The following NAV3 variants were observed in gnomAD, a reference collection of about 807,000 sequenced individuals.
NAV3 encodes pore membrane and/or filament interacting like protein 1.
Under a neutral mutation model 244.7 loss-of-function variants are expected in NAV3, and 87 were observed. The ratio of observed to expected loss-of-function variants is 0.36; its 90% CI spans 0.30 to 0.42. The LOEUF (loss-of-function observed/expected upper bound fraction) is 0.42, where lower values mean the gene tolerates loss of function less well. NAV3 is among the 20% of genes least tolerant of loss of function. The probability of loss-of-function intolerance (pLI) is 1.00; values close to 1 mark genes in which losing one functional copy is unlikely to be tolerated. For synonymous variants in NAV3, 1,126 were observed against 1,042.2 expected, an observed-to-expected ratio of 1.08 and a Z score of -1.55; for missense variants, 2,663 against 2,893.3, an observed-to-expected ratio of 0.92 and a Z score of 1.83.
intron 30 of NAV3, among the ~76,000 whole-genome samples, chr12:78,184,137 T>G (rs923525229): frequency 6.6e-6 from 1 of 151,880 alleles, no homozygotes; most frequent in African/African-American, 2.4e-5. Context: ...TAAACTATTC[T>G]GAAATACATA....
intron 5 of NAV3, among the ~76,000 whole-genome samples, chr12:77,986,471 G>T (rs1870529165): frequency 1.3e-5 from 2 of 152,122 alleles, no homozygotes; most frequent in African/African-American, 4.8e-5. Flanking sequence ...TTCCTCAGCT[G>T]AGATTTTTTG....
rs548037395 is a variant in NAV3 at position 77,618,431 on chromosome 12, A to G, written c.72+46165A>G. On this transcript the variant is annotated intron_variant, in intron 2 of 8. Transcript: ENST00000550042. ...AATTACTCTTCATAATGTTTTGTCTACTAGAAATGGCATACATTTTTTGTT... is the reference window on the plus strand; with the variant it reads ...AATTACTCTTCATAATGTTTTGTCTGCTAGAAATGGCATACATTTTTTGTT... Among the ~76,000 whole-genome samples the G allele has an allele frequency of 1.1e-4, 17 of 152,352 alleles. No individual in the cohort carries two copies. The South Asian group carries it at 2.7e-3, about 24-fold the overall frequency.
At chr12:77,826,223 T>A (rs1173812563), upstream of NAV3, among the ~76,000 whole-genome samples, 1 of 152,182 alleles carries the variant, frequency 6.6e-6, no homozygotes, top group Non-Finnish European at 1.5e-5. Context: ...TAAATATTTA[T>A]AGGGACAGGC....
At chr12:77,819,457 C>T (rs1872646292) in intron 2 of NAV3, among the ~76,000 whole-genome samples, 2 of 151,626 alleles carry the variant, frequency 1.3e-5, no homozygotes, top group South Asian at 2.1e-4. Flanking sequence ...CCTTTATTCT[C>T]ATTTCTTTGA....
chr12:77,897,101 T>C (rs1487073601), intron 1 of NAV3, among the ~76,000 whole-genome samples: 1 of 152,146 alleles, frequency 6.6e-6, no homozygotes, highest in Non-Finnish European at 1.5e-5. Flanking sequence ...CACACATGAT[T>C]TGTAGTCTCA....
At chr12:77,694,640 T>C (rs1464191946) in intron 2 of NAV3, among the ~76,000 whole-genome samples, 1 of 152,182 alleles carries the variant, frequency 6.6e-6, no homozygotes, top group Non-Finnish European at 1.5e-5. Flanking sequence ...TCTCCAGTCT[T>C]TGTGGCCCTT....
At chr12:77,625,846 A>G (rs1871596412) in intron 2 of NAV3, among the ~76,000 whole-genome samples, 1 of 152,234 alleles carries the variant, frequency 6.6e-6, no homozygotes, top group Non-Finnish European at 1.5e-5. Flanking sequence ...CAACTGTTAC[A>G]GCAAGTGCTT....
At chr12:77,695,546 A>C (rs1239587075) in intron 2 of NAV3, among the ~76,000 whole-genome samples, 4 of 152,116 alleles carry the variant, frequency 2.6e-5, no homozygotes, top group Non-Finnish European at 5.9e-5. Flanking sequence ...TGTTTTGGTT[A>C]CTGTAGCTCT....
intron 2 of NAV3, among the ~76,000 whole-genome samples, chr12:77,809,105 G>T (rs1348482294): frequency 6.6e-6 from 1 of 152,164 alleles, no homozygotes; most frequent in Non-Finnish European, 1.5e-5. Context: ...TACCTTGCTG[G>T]GCTCTGTGCG....
chr12:77,760,440 T>C (rs550700146), intron 2 of NAV3, among the ~76,000 whole-genome samples: 2 of 152,214 alleles, frequency 1.3e-5, no homozygotes, highest in Non-Finnish European at 2.9e-5. Flanking sequence ...TGCATTAGCA[T>C]CTCTAAGCCT....
chr12:77,905,628 A>G (rs552584956), intron 1 of NAV3, among the ~76,000 whole-genome samples: 9 of 152,116 alleles, frequency 5.9e-5, no homozygotes, highest in Non-Finnish European at 1.0e-4. Flanking sequence ...TATCTTCTGT[A>G]TTTTATGTCT....
At chr12:77,677,311 CT>C (rs1874248878) in intron 2 of NAV3, among the ~76,000 whole-genome samples, 1 of 152,136 alleles carries the variant, frequency 6.6e-6, no homozygotes, top group Admixed American at 6.6e-5. Context: ...AAAACTTATT[CT>C]TTTAAAAAGA....
At chr12:77,971,237 A>G (rs1003922831) in intron 5 of NAV3, among the ~76,000 whole-genome samples, 31 of 152,034 alleles carry the variant, frequency 2.0e-4, no homozygotes, top group Non-Finnish European at 4.6e-4. Context: ...GTGTCCTTTA[A>G]AGCCTTTAAG....
At chr12:77,795,132 A>G (rs1331220616) in intron 2 of NAV3, among the ~76,000 whole-genome samples, 1 of 152,220 alleles carries the variant, frequency 6.6e-6, no homozygotes, top group East Asian at 1.9e-4. Flanking sequence ...GCCAAGTAGC[A>G]AATGCAAAGG....
chr12:77,716,394 GA>G lies in NAV3; in HGVS notation c.72+144129del, dbSNP rs562602100. The stretch of plus-strand genomic sequence containing the variant: ...TCTCAAGAAACTCACAGAGTTTTAA[GA>G]GAAAAATTATTAAAAATAAATGGTA... On this transcript the variant is annotated intron_variant, in intron 2 of 8. Coordinates refer to the NAV3 transcript ENST00000550042. Among the ~76,000 whole-genome samples, 6 of 151,554 alleles carry G rather than the reference GA, an allele frequency of 4.0e-5. No homozygotes were observed. In the South Asian group the frequency reaches 1.2e-3, roughly 31 times the overall value.
intron 2 of NAV3, among the ~76,000 whole-genome samples, chr12:77,681,330 A>T (rs1301980965): frequency 1.3e-5 from 2 of 152,184 alleles, no homozygotes; most frequent in African/African-American, 4.8e-5. Context: ...GTGATGTTAA[A>T]TATGCCAAAT....
At chr12:77,736,310 GT>G (rs1413525479) in intron 2 of NAV3, among the ~76,000 whole-genome samples, 1 of 152,122 alleles carries the variant, frequency 6.6e-6, no homozygotes, top group Non-Finnish European at 1.5e-5. Context: ...AACTGTTTCA[GT>G]TTTCTATTAT....
intron 2 of NAV3, among the ~76,000 whole-genome samples, chr12:77,666,952 A>G (rs957738028): frequency 1.3e-5 from 2 of 152,218 alleles, no homozygotes; most frequent in Admixed American, 1.3e-4. Flanking sequence ...TAAATGAGAC[A>G]TTTGTTACAA....
At chr12:77,810,535 A>G (rs1047962925) in intron 2 of NAV3, among the ~76,000 whole-genome samples, 1 of 152,200 alleles carries the variant, frequency 6.6e-6, no homozygotes, top group African/African-American at 2.4e-5. Context: ...TGAATGGTTT[A>G]AATTGACACA....
Sources: gnomAD v4.1 joint callset for allele counts (sites outside exome capture counted in the v4.1 genomes callset) on GRCh38, gnomAD v4.1.1 for gene constraint, MANE v1.5 for transcripts, NCBI Gene and HGNC (gene_info 2026-07-23, HGNC 2026-07-21) for gene names.